SMARCC2: variants seen among roughly 807,000 people sequenced by gnomAD.
SMARCC2 encodes SWI/SNF related BAF chromatin remodeling complex subunit C2, also known as SWI/SNF complex subunit SMARCC2.
In SMARCC2, 15 loss-of-function variants were observed where a neutral mutation model predicts 151.3. The ratio of observed to expected loss-of-function variants is 0.10; its 90% CI spans 0.07 to 0.15. The LOEUF (loss-of-function observed/expected upper bound fraction) is 0.15. SMARCC2 is among the 10% of genes least tolerant of loss of function. The probability of loss-of-function intolerance (pLI) is 1.00; values close to 1 mark genes in which losing one functional copy is unlikely to be tolerated. For missense variants in SMARCC2, 1,031 were observed against 1,599.7 expected, an observed-to-expected ratio of 0.64 and a Z score of 6.06; for synonymous variants, 590 against 609.5, an observed-to-expected ratio of 0.97 and a Z score of 0.47.
rs1872231839 is a variant in SMARCC2 at position 56,163,774 on chromosome 12, A to G, written c.3662-9T>C. Reference sequence around the variant, plus strand: ...CAGGGGGGTGCCTGGGTCTGTGGAGAAAAGGAAGATAAATCAGTTAGAGTA... The same window carrying G: ...CAGGGGGGTGCCTGGGTCTGTGGAGGAAAGGAAGATAAATCAGTTAGAGTA... On this transcript the variant is annotated splice_polypyrimidine_tract_variant and intron_variant, in intron 28 of 28. Transcript: ENST00000550164. The G allele has an allele frequency of 1.3e-6, 2 of 1,508,070 alleles. No homozygotes were observed. The highest frequency in any genetic ancestry group is 2.7e-5 in the South Asian group (2 of 75,122). 93.4% of individuals were successfully genotyped at this position (1,508,070 alleles called of 1,614,324 possible).
intron 26 of SMARCC2, 63 bp downstream of exon 26, chr12:56,167,997 C>T: frequency 6.5e-7 from 1 of 1,531,274 alleles, no homozygotes. Flanking sequence ...CACACACACA[C>T]ACGCCCCTCC....
chr12:56,174,798 A>C, intron 15 of SMARCC2, 34 bp from the exon 16 acceptor site: 1 of 1,394,130 alleles, frequency 7.2e-7, no homozygotes. Flanking sequence ...CAAGAAGAAG[A>C]AAAATAAATG....
At chr12:56,184,486 G>T (rs113793178) in intron 5 of SMARCC2, 1 of 555,992 alleles carries the variant, frequency 1.8e-6, no homozygotes, top group African/African-American at 1.9e-5. Context: ...CTATACATGG[G>T]AAATTTAAAG....
At chr12:56,181,175 G>A (rs2135732135) in intron 10 of SMARCC2, 74 bp from the exon 11 acceptor site, 4 of 1,461,852 alleles carry the variant, frequency 2.7e-6, no homozygotes, top group Non-Finnish European at 3.8e-6. Flanking sequence ...AAGTTCAAGG[G>A]AAGGGAAGTG....
At chr12:56,172,292 G>C (rs1295318876) in intron 20 of SMARCC2, 136 bp downstream of exon 20, 1 of 758,960 alleles carries the variant, frequency 1.3e-6, no homozygotes, top group East Asian at 2.7e-5. Flanking sequence ...ATGTTGCCCA[G>C]GTTCATCTCG....
chr12:56,173,927 A>T, intron 16 of SMARCC2, 78 bp from the exon 17 acceptor site: 1 of 1,382,356 alleles, frequency 7.2e-7, no homozygotes, highest in Non-Finnish European at 1.0e-6. Context: ...TGGGGGGTAG[A>T]AGGGGCATAA....
intron 15 of SMARCC2, among the ~76,000 whole-genome samples, chr12:56,176,785 T>G (rs1248717028): frequency 6.6e-6 from 1 of 150,800 alleles, no homozygotes; most frequent in African/African-American, 2.4e-5. Context: ...GGACTACAGA[T>G]GCATGCCACC....
rs1228568803 is a variant in SMARCC2 at position 56,165,530 on chromosome 12, C to T, written c.3020G>A (p.Gly1007Glu). ...ATGGACTGCGGGTGGCCCAGCAGCCCCTGTTGGGGGGATAGGCTGGGAGCC... is the reference window on the plus strand; with the variant it reads ...ATGGACTGCGGGTGGCCCAGCAGCCTCTGTTGGGGGGATAGGCTGGGAGCC... ...PPGSQPIPPT[G>E]AAGPPAVHGL... The change falls in exon 27 of 29, where the codon GGG (glycine) becomes GAG (glutamate). Residue 1007 changes from glycine to glutamate, a missense_variant. Coordinates refer to ENST00000550164, the MANE Select transcript of SMARCC2 (RefSeq NM_001330288.2). 6.2e-7 allele frequency: 1 copy of T among 1,608,940 alleles called. No individual in the cohort carries two copies. The highest frequency in any genetic ancestry group is 2.2e-5 in the East Asian group (1 of 44,784).
At position 56,181,993 on chromosome 12, in the gene SMARCC2, G is replaced by GA; in HGVS notation, c.708+10dup. 6.2e-7 allele frequency: 1 copy of GA among 1,606,138 alleles called. No homozygotes were observed. The highest frequency in any genetic ancestry group is 8.5e-7 in the Non-Finnish European group (1 of 1,174,694). The stretch of plus-strand genomic sequence containing the variant: ...TCTTTTTGGGGAAGAGGGGATACAA[G>GA]AAAAGCTCACCTTCCTAGGTTTCTC... On this transcript the variant is annotated intron_variant, in intron 8 of 28. Transcript: ENST00000550164.
chr12:56,178,642 CT>C, intron 13 of SMARCC2, 108 bp from the exon 14 acceptor site: 1 of 1,536,888 alleles, frequency 6.5e-7, no homozygotes. Context: ...GGTGATGGGA[CT>C]GAGCAGTCAT....
chr12:56,171,240 G>A lies in SMARCC2; in HGVS notation c.2347+31C>T. The stretch of plus-strand genomic sequence containing the variant: ...CAGGTAGCTCTGGATCTTGTGAAAG[G>A]CAAGAAATCTGGGAACCTGCCTGGC... On this transcript the variant is annotated intron_variant, in intron 22 of 28. Transcript: ENST00000550164. This position sits in a 1 kb window ranked among gnomAD's most constrained non-coding sequence, Gnocchi z 4.2. The A allele has an allele frequency of 6.2e-7, 1 of 1,610,514 alleles. No homozygotes were observed.
rs758980991 is a variant in SMARCC2 at position 56,165,667 on chromosome 12, G to A, written c.2883C>T (p.Asp961=). 2.5e-6 allele frequency: 4 copies of A among 1,612,254 alleles called. No individual in the cohort carries two copies. Among genetic ancestry groups the A allele is most frequent in the East Asian group, 2.2e-5 (1 of 44,890 alleles). ...LEYQRQQLLA[D]RQAFHMEQLK... is the part of the protein sequence containing the mutation. ...GCTGCTCCATGTGGAAGGCTTGTCT[G>A]TCGGCCAGGAGCTGCTGCCTCTGAT... The change falls in exon 27 of 29, where the codon GAC becomes GAT. Residue 961 remains aspartate (D), a synonymous_variant. Coordinates refer to ENST00000550164, the MANE Select transcript of SMARCC2 (RefSeq NM_001330288.2).
Position 56,167,376 on chromosome 12 carries a change from A to T in SMARCC2, c.2850+684T>A, listed in dbSNP as rs576301096. On this transcript the variant is annotated intron_variant, in intron 26 of 28. Transcript: ENST00000550164. ...ATAAATAAATAAATAAATAAATAAA[A>T]TAAATTGTTGAGACAGAGATCTCAC... Among the ~76,000 whole-genome samples, 556 of 151,702 alleles carry T rather than the reference A, an allele frequency of 3.7e-3. 9 individuals are homozygous for T. Among genetic ancestry groups the T allele is most frequent in the Middle Eastern group, 0.034 (10 of 292 alleles).
intron 15 of SMARCC2, 121 bp downstream of exon 15, chr12:56,177,901 A>G (rs1875342280): frequency 1.3e-5 from 9 of 704,356 alleles, no homozygotes; most frequent in Non-Finnish European, 2.0e-5. Flanking sequence ...TAAGCCTAGC[A>G]TAGTGCCTGG....
chr12:56,182,251 T>C (rs1323557607), intron 7 of SMARCC2, among the ~76,000 whole-genome samples, 172 bp from the exon 8 acceptor site: 1 of 152,050 alleles, frequency 6.6e-6, no homozygotes, highest in Admixed American at 6.6e-5. Context: ...ATTTCAAAAA[T>C]AGAGAACAAA....
chr12:56,173,577 A>AT, intron 17 of SMARCC2, 119 bp downstream of exon 17: 1 of 902,934 alleles, frequency 1.1e-6, no homozygotes, highest in South Asian at 1.7e-5. Context: ...TTTGCATCCC[A>AT]TGGAAAAGGA....
intron 11 of SMARCC2, 84 bp downstream of exon 11, chr12:56,180,893 A>G: frequency 2.1e-6 from 3 of 1,425,642 alleles, no homozygotes; most frequent in Middle Eastern, 2.1e-4. Context: ...GGTGGACCTG[A>G]GAAATCAGCT....
At chr12:56,188,863 T>G in intron 1 of SMARCC2, among the ~76,000 whole-genome samples, 1 of 152,096 alleles carries the variant, frequency 6.6e-6, no homozygotes, top group Non-Finnish European at 1.5e-5. Context: ...AGCCAACGGC[T>G]TGCTCTGTGA....
chr12:56,170,177 T>C lies in SMARCC2; in HGVS notation c.2379A>G (p.Glu793=). The C allele has an allele frequency of 6.2e-7, 1 of 1,613,972 alleles. No homozygotes were observed. The highest frequency in any genetic ancestry group is 8.5e-7 in the Non-Finnish European group (1 of 1,179,872). The change falls in exon 23 of 29, where the codon GAA becomes GAG. Residue 793 remains glutamate (E), a synonymous_variant. Coordinates refer to ENST00000550164, the MANE Select transcript of SMARCC2 (RefSeq NM_001330288.2). ...EESGNDEARV[E]GQATDEKKEP... ...CCTTCTTCTCATCTGTGGCCTGGCC[T>C]TCCACCCGAGCCTCGTCATTCCCGC...
Sources: gnomAD v4.1 joint callset for allele counts (sites outside exome capture counted in the v4.1 genomes callset) on GRCh38, gnomAD v4.1.1 for gene constraint, Gnocchi (gnomAD v3.1) non-coding constraint, MANE v1.5 for transcripts, NCBI Gene and HGNC (gene_info 2026-07-23, HGNC 2026-07-21) for gene names.